Variants in RYR3 observed in about 807,000 individuals in gnomAD.
RYR3 encodes ryanodine receptor 3.
In RYR3, 207 loss-of-function variants were observed where a neutral mutation model predicts 584.3. That is an observed-to-expected ratio of 0.35 (90% CI 0.32 to 0.40). The LOEUF (loss-of-function observed/expected upper bound fraction) is 0.40. RYR3 is among the 10% of genes least tolerant of loss of function. RYR3 has a pLI of 1.00. For synonymous variants in RYR3, 2,416 were observed against 2,248.5 expected (o/e 1.07, Z -2.11); for missense variants, 5,616 against 6,089.2 (o/e 0.92, Z 2.59).
At chr15:33,803,921 G>A (rs1432594398) in intron 69 of RYR3, among the ~76,000 whole-genome samples, 1 of 152,208 alleles carries the variant, frequency 6.6e-6, no homozygotes, top group Non-Finnish European at 1.5e-5. Context: ...TCTGATACCA[G>A]GACTTGGATC....
intron 1 of RYR3, among the ~76,000 whole-genome samples, chr15:33,383,362 G>A (rs2041341034): frequency 6.7e-6 from 1 of 150,056 alleles, no homozygotes; most frequent in African/African-American, 2.5e-5. Context: ...GCAGTTTTGA[G>A]ATACGCCACA....
intron 67 of RYR3, 116 bp downstream of exon 67, chr15:33,788,574 C>CG: frequency 1.7e-6 from 2 of 1,165,324 alleles, no homozygotes; most frequent in Non-Finnish European, 2.4e-6. Flanking sequence ...AGGCGATAGC[C>CG]GCCCCCACCA....
At chr15:33,429,187 A>G (rs887778755) in intron 1 of RYR3, among the ~76,000 whole-genome samples, 3 of 152,168 alleles carry the variant, frequency 2.0e-5, no homozygotes, top group Non-Finnish European at 2.9e-5. Flanking sequence ...TGTCTGAGCA[A>G]TTTTAAGAGT....
chr15:33,780,793 A>G (rs1427104652), intron 65 of RYR3, among the ~76,000 whole-genome samples: 1 of 152,200 alleles, frequency 6.6e-6, no homozygotes. Context: ...TTTTGTCCTC[A>G]TGGAAGATAA....
At chr15:33,464,489 T>TATATATATATATATATATACACAC (rs1450450145) in intron 1 of RYR3, among the ~76,000 whole-genome samples, 107 of 67,424 alleles carry the variant, frequency 1.6e-3, no homozygotes, top group African/African-American at 8.0e-3. Context: ...TATATATATA[T>TATATATATATATATATATACACAC]ACACATATAT....
At chr15:33,494,865 T>C (rs1304021657) in intron 2 of RYR3, among the ~76,000 whole-genome samples, 1 of 152,216 alleles carries the variant, frequency 6.6e-6, no homozygotes, top group Non-Finnish European at 1.5e-5. Context: ...TTTAACTTTA[T>C]TTTATAATAA....
At chr15:33,434,226 A>G (rs1567227328) in intron 1 of RYR3, among the ~76,000 whole-genome samples, 2 of 152,270 alleles carry the variant, frequency 1.3e-5, no homozygotes, top group South Asian at 2.1e-4. Flanking sequence ...ATTTTCAGTA[A>G]AAATATTGTC....
intron 1 of RYR3, among the ~76,000 whole-genome samples, chr15:33,443,948 C>T (rs1386913429): frequency 6.6e-6 from 1 of 152,180 alleles, no homozygotes; most frequent in East Asian, 1.9e-4. Flanking sequence ...ATAGATATTG[C>T]AGGAGGCAGC....
At chr15:33,767,896 C>T (rs1201598423) in intron 60 of RYR3, among the ~76,000 whole-genome samples, 1 of 152,166 alleles carries the variant, frequency 6.6e-6, no homozygotes, top group East Asian at 1.9e-4. Flanking sequence ...TGTTCAGAAA[C>T]AGCGATGGAC....
intron 3 of RYR3, among the ~76,000 whole-genome samples, chr15:33,519,640 T>C (rs1266100161): frequency 6.6e-6 from 1 of 151,860 alleles, no homozygotes; most frequent in African/African-American, 2.4e-5. Flanking sequence ...TTTTTTTTCT[T>C]CTTTTGTATT....
chr15:33,584,758 G>T (rs1029009539), intron 15 of RYR3, among the ~76,000 whole-genome samples: 3 of 151,388 alleles, frequency 2.0e-5, no homozygotes, highest in Non-Finnish European at 4.4e-5. Flanking sequence ...TTTAATCCTC[G>T]GGTCCATTAA....
At chr15:33,341,164 G>A (rs964478113) in intron 1 of RYR3, among the ~76,000 whole-genome samples, 2 of 152,054 alleles carry the variant, frequency 1.3e-5, no homozygotes, top group Non-Finnish European at 2.9e-5. Context: ...TCAGCCTCCC[G>A]AGTAGCTGGG....
At chr15:33,615,770 T>C (rs1462280423) in intron 19 of RYR3, among the ~76,000 whole-genome samples, 2 of 152,140 alleles carry the variant, frequency 1.3e-5, no homozygotes, top group Non-Finnish European at 2.9e-5. Context: ...TTGACAGCCA[T>C]CAGAAGCATG....
At chr15:33,541,678 T>C (rs1357838272) in intron 7 of RYR3, among the ~76,000 whole-genome samples, 1 of 152,178 alleles carries the variant, frequency 6.6e-6, no homozygotes, top group Non-Finnish European at 1.5e-5. Flanking sequence ...TGCCGGTCTA[T>C]TCTATCATGT....
At chr15:33,621,784 C>G (rs937333894) in intron 19 of RYR3, among the ~76,000 whole-genome samples, 1 of 152,154 alleles carries the variant, frequency 6.6e-6, no homozygotes, top group South Asian at 2.1e-4. Context: ...CACCTCTTTA[C>G]TTAAAGAGGC....
intron 4 of RYR3, among the ~76,000 whole-genome samples, chr15:33,531,854 T>C (rs2054905180): frequency 6.6e-6 from 1 of 152,150 alleles, no homozygotes. Flanking sequence ...CAGAATCTGG[T>C]GTTTATCTAT....
Position 33,751,839 on chromosome 15 carries a change from T to C in RYR3, c.8399+1553T>C, listed in dbSNP as rs187635753. ...GTCCTGAATGATATTGCCTAGGTTT[T>C]CTTCTAGGGCTTTTATGGTTTTGGT... On this transcript the variant is annotated intron_variant, in intron 57 of 103. Coordinates refer to ENST00000634891, the MANE Select transcript of RYR3 (RefSeq NM_001036.6). 1.4e-3 allele frequency among the ~76,000 whole-genome samples: 206 copies of C among 152,320 alleles called. 1 individual carries two copies. The highest frequency in any genetic ancestry group is 9.0e-4 in the Non-Finnish European group (61 of 68,030).
At chr15:33,477,747 C>T (rs897073673) in intron 2 of RYR3, among the ~76,000 whole-genome samples, 3 of 144,904 alleles carry the variant, frequency 2.1e-5, no homozygotes, top group Admixed American at 6.6e-5. Flanking sequence ...TGGTGGCGGG[C>T]GCCTGTAGTC....
At chr15:33,854,326 C>G (rs2079418129) in intron 96 of RYR3, 63 bp from the exon 97 acceptor site, 2 of 1,380,994 alleles carry the variant, frequency 1.4e-6, no homozygotes, top group South Asian at 2.6e-5. Context: ...CTTTTTCCCC[C>G]TTATTGAGCA....
Sources: gnomAD v4.1 joint callset for allele counts (sites outside exome capture counted in the v4.1 genomes callset) on GRCh38, gnomAD v4.1.1 for gene constraint, MANE v1.5 for transcripts, NCBI Gene and HGNC (gene_info 2026-07-23, HGNC 2026-07-21) for gene names.